RANBP9: variants seen among roughly 807,000 people sequenced by gnomAD.
The protein encoded by RANBP9 is ran-binding protein 9.
A neutral mutation model predicts 84.3 loss-of-function variants in RANBP9; 15 were observed. That is an observed-to-expected ratio of 0.18 (90% CI 0.12 to 0.27). RANBP9 has a LOEUF of 0.27. RANBP9 is among the 10% of genes least tolerant of loss of function. The pLI is 1.00. For synonymous variants in RANBP9, 392 were observed against 349.6 expected, an observed-to-expected ratio of 1.12 and a Z score of -1.35; for missense variants, 809 against 912.8, an observed-to-expected ratio of 0.89 and a Z score of 1.46.
chr6:13,645,734 C>T (rs539588484), intron 5 of RANBP9, among the ~76,000 whole-genome samples: 2 of 152,270 alleles, frequency 1.3e-5, no homozygotes, highest in Admixed American at 1.3e-4. Context: ...CCAAATCCTA[C>T]CATATTTTCA....
chr6:13,663,378 A>C (rs1350103272), intron 2 of RANBP9, among the ~76,000 whole-genome samples: 1 of 152,168 alleles, frequency 6.6e-6, no homozygotes, highest in Non-Finnish European at 1.5e-5. Flanking sequence ...TTTCAGATAA[A>C]AGAAAAACAT....
In RANBP9 at chr6:13,711,400, G is replaced by T; in HGVS notation, c.106C>A (p.Pro36Thr). 8.5e-7 allele frequency: 1 copy of T among 1,182,538 alleles called. No individual in the cohort carries two copies. Among genetic ancestry groups the T allele is most frequent in the East Asian group, 3.7e-5 (1 of 27,336 alleles). The allele number at this position is 1,182,538 out of a possible 1,614,324, so 73.3% of individuals were successfully genotyped here. A position where few individuals can be genotyped will look rare whatever the true frequency, so the allele number is the denominator to read the frequency against. ...CCGGCGCTGACGGCCGGGGGCGCCG[G>T]CAGGACGACTCCGGAGACTGGGGCC... ...ALAPVSGVVL[P>T]APPAVSAGSS... Residue 36 changes from proline (P) to threonine (T), a missense_variant, in exon 1 of 14, where the codon CCG becomes ACG. Pro to Thr is a conservative substitution (Grantham distance 38). Coordinates refer to ENST00000011619, the MANE Select transcript of RANBP9 (RefSeq NM_005493.3).
chr6:13,631,205 A>G (rs1764771674), intron 12 of RANBP9, among the ~76,000 whole-genome samples: 1 of 152,214 alleles, frequency 6.6e-6, no homozygotes, highest in Non-Finnish European at 1.5e-5. Context: ...GGTAACCACT[A>G]GAAACAGCAG....
chr6:13,695,254 A>G (rs749079599), intron 2 of RANBP9, among the ~76,000 whole-genome samples: 7 of 152,198 alleles, frequency 4.6e-5, no homozygotes, highest in Non-Finnish European at 8.8e-5. Context: ...ACAGGCAGCA[A>G]CTGGAGACCC....
intron 6 of RANBP9, 75 bp downstream of exon 6, chr6:13,644,470 G>A: frequency 2.1e-6 from 3 of 1,448,576 alleles, no homozygotes; most frequent in Non-Finnish European, 2.8e-6. Context: ...AAAAGCTTCT[G>A]TGGATACCAA....
At chr6:13,644,503 A>C in intron 6 of RANBP9, 42 bp downstream of exon 6, 1 of 1,566,590 alleles carries the variant, frequency 6.4e-7, no homozygotes, top group Non-Finnish European at 8.7e-7. Context: ...CTTATAAAAA[A>C]CAGATTCTGA....
intron 2 of RANBP9, among the ~76,000 whole-genome samples, chr6:13,677,331 C>A (rs1017473236): frequency 6.6e-6 from 1 of 152,034 alleles, no homozygotes; most frequent in Non-Finnish European, 1.5e-5. Flanking sequence ...TATAAAACTG[C>A]TGAAATACTC....
intron 2 of RANBP9, among the ~76,000 whole-genome samples, chr6:13,661,229 T>C (rs1026326007): frequency 1.3e-5 from 2 of 152,188 alleles, no homozygotes; most frequent in Admixed American, 6.5e-5. Flanking sequence ...AACCAGTTAG[T>C]TATTGAATGG....
chr6:13,699,787 G>A (rs1239979461), intron 1 of RANBP9, among the ~76,000 whole-genome samples: 1 of 152,126 alleles, frequency 6.6e-6, no homozygotes, highest in East Asian at 1.9e-4. Flanking sequence ...GCTTGAACTT[G>A]GGAGGCAGAA....
chr6:13,706,979 C>A (rs937027890), intron 1 of RANBP9, among the ~76,000 whole-genome samples: 7 of 146,658 alleles, frequency 4.8e-5, no homozygotes, highest in African/African-American at 1.5e-4. Context: ...GCACTCCAGC[C>A]TGGACGATAG....
At chr6:13,665,053 A>G (rs989518996) in intron 2 of RANBP9, among the ~76,000 whole-genome samples, 8 of 152,170 alleles carry the variant, frequency 5.3e-5, no homozygotes. Context: ...GATAACTGAC[A>G]TCCATGTGGA....
At chr6:13,638,537 A>G (rs539999879) in intron 9 of RANBP9, among the ~76,000 whole-genome samples, 45 of 152,218 alleles carry the variant, frequency 3.0e-4, no homozygotes, top group African/African-American at 1.1e-3. Flanking sequence ...GAAGCATCAG[A>G]AATAAATCTG....
chr6:13,638,769 A>G (rs1211576198), intron 9 of RANBP9, among the ~76,000 whole-genome samples: 1 of 151,892 alleles, frequency 6.6e-6, no homozygotes, highest in Non-Finnish European at 1.5e-5. Context: ...AGTCACAGAG[A>G]GTAAGACTGG....
At chr6:13,682,652 T>C (rs897629732) in intron 2 of RANBP9, among the ~76,000 whole-genome samples, 4 of 151,862 alleles carry the variant, frequency 2.6e-5, no homozygotes, top group Non-Finnish European at 5.9e-5. Context: ...GGTTTCGCCA[T>C]GTTGGCCAGG....
chr6:13,655,636 C>A (rs1405749678), intron 4 of RANBP9, among the ~76,000 whole-genome samples: 1 of 151,990 alleles, frequency 6.6e-6, no homozygotes, highest in East Asian at 1.9e-4. Context: ...ATCATTATCA[C>A]CTGTGATTGT....
chr6:13,698,433 A>G (rs1241142612), intron 1 of RANBP9, among the ~76,000 whole-genome samples: 1 of 152,244 alleles, frequency 6.6e-6, no homozygotes, highest in Non-Finnish European at 1.5e-5. Context: ...GCAGTAAAAC[A>G]CATTTTTCAG....
At chr6:13,700,931 A>G (rs370452586) in intron 1 of RANBP9, among the ~76,000 whole-genome samples, 57 of 152,172 alleles carry the variant, frequency 3.7e-4, no homozygotes, top group African/African-American at 1.2e-3. Context: ...CTTTTAGCGC[A>G]TTGATTTTGT....
At chr6:13,629,370 C>A (rs1286660598) in intron 12 of RANBP9, among the ~76,000 whole-genome samples, 2 of 152,168 alleles carry the variant, frequency 1.3e-5, no homozygotes, top group African/African-American at 4.8e-5. Flanking sequence ...AGTGTCACTA[C>A]AGTTATTAGC....
chr6:13,644,859 G>A lies in RANBP9; in HGVS notation c.928-130C>T. 4 of 777,346 alleles carry A rather than the reference G, an allele frequency of 5.1e-6. No homozygotes were observed. The South Asian group carries it at 1.1e-4, about 22-fold the overall frequency. 48.2% of individuals were successfully genotyped at this position (777,346 alleles called of 1,614,324 possible). ...TTTTAAAATCCCAATCAAAATATTA[G>A]AAGGCTAAAACAAATGATCTAAAAT... On this transcript the variant is annotated intron_variant, in intron 5 of 13. Coordinates refer to ENST00000011619, the MANE Select transcript of RANBP9 (RefSeq NM_005493.3).
Sources: allele counts gnomAD v4.1 joint callset (sites outside exome capture counted in the v4.1 genomes callset), GRCh38; gene constraint gnomAD v4.1.1; transcripts MANE v1.5; gene names NCBI Gene and HGNC (gene_info 2026-07-23, HGNC 2026-07-21).